Variants in TMEM120B observed in about 807,000 individuals in gnomAD.
TMEM120B encodes transmembrane protein 120B.
TMEM120B carries 31 observed loss-of-function variants against 55.5 expected under a neutral mutation model. The observed-to-expected ratio is 0.56, with a 90% confidence interval of 0.42 to 0.75. The LOEUF (loss-of-function observed/expected upper bound fraction) is 0.75, where lower values mean the gene tolerates loss of function less well. Among genes scored for constraint, TMEM120B ranks in the 30% least tolerant of loss-of-function variants. TMEM120B has a pLI of 0.00. For missense variants in TMEM120B, 399 were observed against 425.5 expected (o/e 0.94, Z 0.55); for synonymous variants, 203 against 176.3 (o/e 1.15, Z -1.20).
At chr12:121,731,967 T>C (rs1895011682) in intron 1 of TMEM120B, among the ~76,000 whole-genome samples, 1 of 152,128 alleles carries the variant, frequency 6.6e-6, no homozygotes, top group South Asian at 2.1e-4. Flanking sequence ...TGAAATGCTG[T>C]CTCTATTAAA....
At chr12:121,764,377 G>A (rs1394196126) in intron 6 of TMEM120B, among the ~76,000 whole-genome samples, 5 of 152,082 alleles carry the variant, frequency 3.3e-5, no homozygotes, top group Non-Finnish European at 5.9e-5. Flanking sequence ...AAAATTAGCC[G>A]GGCGTGGTGG....
At chr12:121,733,261 G>C (rs559588751) in intron 1 of TMEM120B, among the ~76,000 whole-genome samples, 2 of 151,808 alleles carry the variant, frequency 1.3e-5, no homozygotes, top group African/African-American at 4.8e-5. Context: ...TTTTATTTTT[G>C]AGAGAGAGAG....
intron 1 of TMEM120B, among the ~76,000 whole-genome samples, chr12:121,740,301 A>G (rs917730793): frequency 3.9e-5 from 6 of 152,002 alleles, no homozygotes; most frequent in Non-Finnish European, 7.4e-5. Flanking sequence ...CCTGACCAAC[A>G]TGGAGAAACC....
At position 121,774,573 on chromosome 12, in the gene TMEM120B, G is replaced by T. The variant is rs1187181087; in HGVS notation, c.773-85G>T. On this transcript the variant is annotated intron_variant, in intron 9 of 11. Coordinates refer to ENST00000449592, the MANE Select transcript of TMEM120B (RefSeq NM_001080825.2). ...GTCCCTGGCTCATCTTAGGGTGACT[G>T]GTGTGGCTGGGGGTGGGCGTCTGGT... is the stretch of plus-strand genomic sequence containing the variant. 6 of 1,331,582 alleles carry T rather than the reference G, an allele frequency of 4.5e-6. 1 individual carries two copies. Among genetic ancestry groups the T allele is most frequent in the African/African-American group, 1.5e-5 (1 of 68,526 alleles). 82.5% of individuals were successfully genotyped at this position (1,331,582 alleles called of 1,614,324 possible).
chr12:121,755,529 G>T, intron 5 of TMEM120B, among the ~76,000 whole-genome samples: 1 of 152,206 alleles, frequency 6.6e-6, no homozygotes, highest in East Asian at 1.9e-4. Flanking sequence ...TGGCTCGAGT[G>T]GGCTTGGGTT....
intron 5 of TMEM120B, among the ~76,000 whole-genome samples, 183 bp from the exon 6 acceptor site, chr12:121,761,466 G>C (rs968334491): frequency 6.6e-6 from 1 of 152,174 alleles, no homozygotes; most frequent in African/African-American, 2.4e-5. Flanking sequence ...GGCATTTGCA[G>C]GGCCGGGGAA....
rs899736537 is a variant in TMEM120B at position 121,758,232 on chromosome 12, C to T, written c.462-3417C>T. 5.1e-6 allele frequency: 5 copies of T among 985,364 alleles called. No homozygotes were observed. In the African/African-American group the frequency reaches 8.7e-5, roughly 17 times the overall value. The allele number at this position is 985,364 out of a possible 1,614,324, so 61.0% of individuals were successfully genotyped here. ...CAGAGTTCTTTTCCCTGGGGATGCT[C>T]ACATGGTGGGTCGGCCTCTCCACTT... On this transcript the variant is annotated intron_variant, in intron 5 of 11. Coordinates refer to ENST00000449592, the MANE Select transcript of TMEM120B (RefSeq NM_001080825.2).
At chr12:121,736,632 C>T (rs1895122388) in intron 1 of TMEM120B, among the ~76,000 whole-genome samples, 1 of 152,126 alleles carries the variant, frequency 6.6e-6, no homozygotes, top group Non-Finnish European at 1.5e-5. Context: ...ACACTGCAAC[C>T]TCCGCCTCCC....
At position 121,775,665 on chromosome 12, in the gene TMEM120B, G is replaced by A. The variant is rs188455871; in HGVS notation, c.963G>A (p.Thr321=). ...TCTTCCTCGGCAACTTCCTGACCAC[G>A]CTCAAAGTCGTGCATGCCAAGCTCC... The part of the protein sequence containing the change: ...LILFLGNFLT[T]LKVVHAKLQK... Residue 321 remains threonine (T), a synonymous_variant, in exon 12 of 12, where the codon ACG becomes ACA. Coordinates refer to ENST00000449592, the MANE Select transcript of TMEM120B (RefSeq NM_001080825.2). The surrounding 1 kb of genome is among the most constrained non-coding windows in gnomAD (Gnocchi z 4.3). 10 of 1,613,998 alleles carry A rather than the reference G, an allele frequency of 6.2e-6. No individual in the cohort carries two copies. Among genetic ancestry groups the A allele is most frequent in the Middle Eastern group, 1.7e-4 (1 of 6,058 alleles).
intron 1 of TMEM120B, among the ~76,000 whole-genome samples, chr12:121,734,750 TA>T (rs1469039888): frequency 6.6e-6 from 1 of 151,808 alleles, no homozygotes; most frequent in Non-Finnish European, 1.5e-5. Flanking sequence ...CCATCTCTAC[TA>T]AAAATACAAA....
intron 8 of TMEM120B, among the ~76,000 whole-genome samples, chr12:121,772,421 C>T (rs752646625): frequency 1.3e-5 from 2 of 150,898 alleles, no homozygotes; most frequent in East Asian, 1.9e-4. Flanking sequence ...TGAGCCACCA[C>T]GCCGTACCGT....
At chr12:121,736,499 C>T (rs1465448907) in intron 1 of TMEM120B, among the ~76,000 whole-genome samples, 2 of 151,092 alleles carry the variant, frequency 1.3e-5, no homozygotes, top group Non-Finnish European at 2.9e-5. Context: ...GGTGATCCGC[C>T]TGCCTTGGCC....
At chr12:121,737,625 G>T (rs1317901994) in intron 1 of TMEM120B, among the ~76,000 whole-genome samples, 1 of 152,168 alleles carries the variant, frequency 6.6e-6, no homozygotes, top group African/African-American at 2.4e-5. Flanking sequence ...TCCATTTCTG[G>T]CTTCAAGGTA....
In TMEM120B at chr12:121,781,252, G is replaced by A. The variant is rs1874447506; in HGVS notation, c.*5530G>A. On this transcript the variant is annotated 3_prime_UTR_variant, in exon 12 of 12. Coordinates refer to ENST00000449592, the MANE Select transcript of TMEM120B (RefSeq NM_001080825.2). ...CCCCTCCCTGTCTGGACTCTGACGG[G>A]TGAAGGGGAAGGGGCCAGGCAAGTG... 4 of 1,502,928 alleles carry A rather than the reference G, an allele frequency of 2.7e-6. No homozygotes were observed. Among genetic ancestry groups the A allele is most frequent in the African/African-American group, 1.4e-5 (1 of 72,866 alleles). 93.1% of individuals were successfully genotyped at this position (1,502,928 alleles called of 1,614,324 possible). A position where few individuals can be genotyped will look rare whatever the true frequency, so the allele number is the denominator to read the frequency against.
chr12:121,770,574 G>T (rs1874008603), intron 6 of TMEM120B, among the ~76,000 whole-genome samples: 2 of 151,706 alleles, frequency 1.3e-5, no homozygotes, highest in Admixed American at 1.3e-4. Flanking sequence ...CAGGAGCCGT[G>T]CCTGGAGCGC....
At position 121,771,522 on chromosome 12, in the gene TMEM120B, C is replaced by G; in HGVS notation, c.652C>G (p.Gln218Glu). 3 of 1,614,122 alleles carry G rather than the reference C, an allele frequency of 1.9e-6. No individual in the cohort carries two copies. The highest frequency in any genetic ancestry group is 2.5e-6 in the Non-Finnish European group (3 of 1,180,022). ...NGPIYQKFRN[Q>E]FLAFSIFQSC... Reference sequence around the variant, plus strand: ...ACCCATTTATCAGAAGTTTCGCAACCAGTTCTTAGCATTTTCCATTTTTCA... The same window carrying G: ...ACCCATTTATCAGAAGTTTCGCAACGAGTTCTTAGCATTTTCCATTTTTCA... The change falls in exon 8 of 12, where the codon CAG (glutamine) becomes GAG (glutamate). Residue 218 changes from glutamine to glutamate, a missense_variant. Transcript: ENST00000449592.
chr12:121,747,043 T>C (rs1206008011), intron 2 of TMEM120B, among the ~76,000 whole-genome samples: 1 of 152,308 alleles, frequency 6.6e-6, no homozygotes, highest in East Asian at 1.9e-4. Context: ...TCAAGTATTA[T>C]TCTAGATGCT....
At chr12:121,771,408 G>A (rs1874048571) in intron 7 of TMEM120B, 80 bp from the exon 8 acceptor site, 6 of 1,266,666 alleles carry the variant, frequency 4.7e-6, no homozygotes, top group Non-Finnish European at 6.9e-6. Flanking sequence ...GCCTCTTCTG[G>A]TTGGAATGGA....
rs769995268 is a variant in TMEM120B, at chr12:121,781,119, G to C, written c.*5397G>C. 1 of 1,614,244 alleles carries C rather than the reference G, an allele frequency of 6.2e-7. No homozygotes were observed. Among genetic ancestry groups the C allele is most frequent in the Non-Finnish European group, 8.5e-7 (1 of 1,180,044 alleles). On this transcript the variant is annotated 3_prime_UTR_variant, in exon 12 of 12. Transcript: ENST00000449592. ...CGTTGTCGTAGCTGGTGGGATTCAT[G>C]ACGTCATAGCAGATGAGCACGAGGT...
Sources: allele counts gnomAD v4.1 joint callset (sites outside exome capture counted in the v4.1 genomes callset), GRCh38; gene constraint gnomAD v4.1.1; non-coding constraint Gnocchi (gnomAD v3.1); transcripts MANE v1.5; gene names NCBI Gene and HGNC (gene_info 2026-07-23, HGNC 2026-07-21).